The following TPRG1 variants were observed in gnomAD, a reference collection of about 807,000 sequenced individuals.
TPRG1 encodes tumor protein p63-regulated gene 1 protein.
TPRG1 carries 29 observed loss-of-function variants against 29.3 expected under a neutral mutation model. The ratio of observed to expected loss-of-function variants is 0.99; its 90% confidence interval spans 0.74 to 1.35. The LOEUF is 1.35. TPRG1 is among the 40% of genes most tolerant of loss of function. TPRG1 has a pLI of 0.00. For synonymous variants in TPRG1, 130 were observed against 116.8 expected (o/e 1.11, Z -0.73); for missense variants, 327 against 335.0 (o/e 0.98, Z 0.19).
At chr3:189,277,059 C>T (rs982394307) in intron 4 of TPRG1, among the ~76,000 whole-genome samples, 3 of 151,946 alleles carry the variant, frequency 2.0e-5, no homozygotes, top group African/African-American at 4.8e-5. Flanking sequence ...AGACGCTGCT[C>T]GAGGAGGAAT....
chr3:189,198,234 C>G (rs918709666), intron 1 of TPRG1, among the ~76,000 whole-genome samples: 6 of 152,182 alleles, frequency 3.9e-5, no homozygotes, highest in African/African-American at 1.2e-4. Context: ...CACCTACCCT[C>G]TAGTGTACAG....
chr3:189,097,997 A>G (rs1718800766), upstream of TPRG1, among the ~76,000 whole-genome samples: 1 of 152,158 alleles, frequency 6.6e-6, no homozygotes, highest in African/African-American at 2.4e-5. Context: ...TTAAGAGGAG[A>G]GACAGGATTT....
At chr3:189,072,244 A>G (rs964388303) in intron 4 of TPRG1, among the ~76,000 whole-genome samples, 2 of 152,144 alleles carry the variant, frequency 1.3e-5, no homozygotes, top group Non-Finnish European at 2.9e-5. Context: ...ATATTCCAGA[A>G]CTGTCAGTTT....
chr3:189,057,937 G>A (rs1312319808), intron 4 of TPRG1, among the ~76,000 whole-genome samples: 1 of 149,648 alleles, frequency 6.7e-6, no homozygotes, highest in Non-Finnish European at 1.5e-5. Context: ...GAATATATAA[G>A]TATATATTGT....
chr3:189,025,852 A>G (rs1206396034), intron 4 of TPRG1, among the ~76,000 whole-genome samples: 1 of 152,252 alleles, frequency 6.6e-6, no homozygotes, highest in Non-Finnish European at 1.5e-5. Context: ...TTCATGTTGA[A>G]CAGTGATCCA....
At chr3:189,151,257 A>G (rs1027391637) in intron 5 of TPRG1, 6 of 152,316 alleles carry the variant, frequency 3.9e-5, no homozygotes, top group Non-Finnish European at 4.4e-5. Context: ...CAGAAAAGCA[A>G]GTGAGTTTTC....
chr3:189,025,382 C>T (rs1037560363), intron 4 of TPRG1, among the ~76,000 whole-genome samples: 2 of 152,178 alleles, frequency 1.3e-5, no homozygotes, highest in African/African-American at 2.4e-5. Context: ...CCCTGCTTTT[C>T]TCCATTTTCT....
At chr3:189,278,752 G>T (rs1716596854) in intron 4 of TPRG1, among the ~76,000 whole-genome samples, 1 of 152,124 alleles carries the variant, frequency 6.6e-6, no homozygotes. Context: ...CTGTAATCCA[G>T]GTGTCATCAC....
upstream of TPRG1, among the ~76,000 whole-genome samples, chr3:189,098,513 G>A (rs768007653): frequency 8.5e-5 from 13 of 152,210 alleles, no homozygotes; most frequent in Admixed American, 5.2e-4. Flanking sequence ...AGACAAGAAC[G>A]TCCAGGGGAT....
chr3:189,088,345 AT>A (rs1360273077), intron 4 of TPRG1, among the ~76,000 whole-genome samples: 1 of 152,188 alleles, frequency 6.6e-6, no homozygotes, highest in East Asian at 1.9e-4. Flanking sequence ...ATTTTTGCAC[AT>A]TGATTTTGTA....
At chr3:189,035,286 T>G (rs1371330214) in intron 4 of TPRG1, among the ~76,000 whole-genome samples, 1 of 152,038 alleles carries the variant, frequency 6.6e-6, no homozygotes, top group Non-Finnish European at 1.5e-5. Context: ...AAAAATTAAC[T>G]CAAGATGGAT....
chr3:189,210,851 T>C (rs1016345242), intron 2 of TPRG1, among the ~76,000 whole-genome samples: 3 of 151,684 alleles, frequency 2.0e-5, no homozygotes, highest in African/African-American at 7.3e-5. Context: ...AGAAATCAAC[T>C]TATCATGGAG....
chr3:189,108,413 C>T (rs1720074936), intron 1 of TPRG1, among the ~76,000 whole-genome samples: 1 of 152,040 alleles, frequency 6.6e-6, no homozygotes, highest in Non-Finnish European at 1.5e-5. Flanking sequence ...TACATAATTG[C>T]CATGACAGAG....
Position 189,238,721 on chromosome 3 carries a change from T to A in TPRG1, c.303-12T>A, listed in dbSNP as rs746263829. 29 of 1,582,198 alleles carry A rather than the reference T, an allele frequency of 1.8e-5. No individual in the cohort carries two copies. The highest frequency in any genetic ancestry group is 1.6e-4 in the Admixed American group (9 of 56,254). ...TGTCATCAATTTTTATTTGCTATGA[T>A]GATTCCTATAGGATAGACCACTGGA... On this transcript the variant is annotated splice_polypyrimidine_tract_variant and intron_variant, in intron 3 of 5. Transcript: ENST00000345063.
intron 4 of TPRG1, among the ~76,000 whole-genome samples, chr3:189,054,034 T>A (rs1275928131): frequency 6.6e-6 from 1 of 152,210 alleles, no homozygotes; most frequent in African/African-American, 2.4e-5. Context: ...GGTAAGACGC[T>A]CAGCTTTCAG....
intron 1 of TPRG1, among the ~76,000 whole-genome samples, chr3:189,110,637 AT>A (rs1720399764): frequency 6.6e-6 from 1 of 151,852 alleles, no homozygotes; most frequent in Non-Finnish European, 1.5e-5. Context: ...GTTTTTTGGT[AT>A]TTTTTTAATT....
chr3:188,998,610 G>C (rs1360363549), intron 1 of TPRG1, among the ~76,000 whole-genome samples: 1 of 152,124 alleles, frequency 6.6e-6, no homozygotes, highest in Non-Finnish European at 1.5e-5. Context: ...AAAAAGTGTG[G>C]TACACATACA....
At chr3:189,308,090 G>C (rs555660159) in intron 4 of TPRG1, among the ~76,000 whole-genome samples, 1 of 152,186 alleles carries the variant, frequency 6.6e-6, no homozygotes, top group African/African-American at 2.4e-5. Flanking sequence ...GCATGACTGA[G>C]GTCATGGAAT....
chr3:189,265,370 A>T (rs966412051), intron 4 of TPRG1, among the ~76,000 whole-genome samples: 3 of 152,182 alleles, frequency 2.0e-5, no homozygotes, highest in Non-Finnish European at 4.4e-5. Context: ...GCATGAATTT[A>T]AAAAACCCGA....
Sources: allele counts gnomAD v4.1 joint callset (sites outside exome capture counted in the v4.1 genomes callset), GRCh38; gene constraint gnomAD v4.1.1; transcripts MANE v1.5; gene names NCBI Gene and HGNC (gene_info 2026-07-23, HGNC 2026-07-21).